The following CDH4 variants were observed in gnomAD, a reference collection of about 807,000 sequenced individuals.
CDH4 encodes cadherin-4.
A neutral mutation model predicts 86.0 loss-of-function variants in CDH4; 33 were observed. The ratio of observed to expected loss-of-function variants is 0.38; its 90% CI spans 0.29 to 0.51. CDH4 has a LOEUF of 0.51. CDH4 is among the 20% of genes least tolerant of loss of function. The pLI is 0.86. For missense variants in CDH4, 1,114 were observed against 1,307.4 expected, an observed-to-expected ratio of 0.85 and a Z score of 2.28; for synonymous variants, 555 against 549.4, an observed-to-expected ratio of 1.01 and a Z score of -0.14.
intron 3 of CDH4, among the ~76,000 whole-genome samples, chr20:61,759,141 A>G (rs2088602513): frequency 6.6e-6 from 1 of 152,092 alleles, no homozygotes; most frequent in East Asian, 1.9e-4. Context: ...GAGCCCCCCA[A>G]GCAGAGTTGT....
chr20:61,290,809 T>C (rs1466815093), intron 2 of CDH4, among the ~76,000 whole-genome samples: 1 of 152,166 alleles, frequency 6.6e-6, no homozygotes, highest in Non-Finnish European at 1.5e-5. Context: ...AATGGAACTG[T>C]TACAGAAAGG....
intron 2 of CDH4, among the ~76,000 whole-genome samples, chr20:61,298,988 A>C (rs2084371873): frequency 6.6e-6 from 1 of 152,154 alleles, no homozygotes; most frequent in African/African-American, 2.4e-5. Flanking sequence ...AAGATCACTG[A>C]GCATTATGGG....
At chr20:61,335,703 T>C (rs1432873797) in intron 2 of CDH4, among the ~76,000 whole-genome samples, 1 of 152,174 alleles carries the variant, frequency 6.6e-6, no homozygotes, top group Non-Finnish European at 1.5e-5. Context: ...AAGGAGAGCA[T>C]AATGCGCCCC....
chr20:61,922,861 TC>T (rs1326079881), intron 9 of CDH4, among the ~76,000 whole-genome samples: 1 of 152,224 alleles, frequency 6.6e-6, no homozygotes, highest in African/African-American at 2.4e-5. Context: ...GCTCAAGCGA[TC>T]CTCCCACCTT....
intron 3 of CDH4, among the ~76,000 whole-genome samples, chr20:61,748,767 A>T (rs1278283789): frequency 2.0e-5 from 3 of 152,238 alleles, no homozygotes; most frequent in African/African-American, 7.2e-5. Context: ...CCTAAATAAG[A>T]CGAAAATACT....
rs998933411 is a variant in CDH4 at position 61,676,454 on chromosome 20, C to T, written c.170-67109C>T. Among the ~76,000 whole-genome samples the T allele has an allele frequency of 1.5e-4, 23 of 151,902 alleles. No individual in the cohort carries two copies. Among genetic ancestry groups the T allele is most frequent in the Admixed American group, 1.3e-4 (2 of 15,274 alleles). ...AGGGATGGTGTGAACAATGGAGGCC[C>T]GGGGCTCCCTCCTCCTGGGTCTACC... is the stretch of plus-strand genomic sequence containing the variant. On this transcript the variant is annotated intron_variant, in intron 2 of 15. Coordinates refer to ENST00000614565, the MANE Select transcript of CDH4 (RefSeq NM_001794.5). The surrounding 1 kb of genome is among the most constrained non-coding windows in gnomAD (Gnocchi z 4.5).
chr20:61,591,144 T>C (rs913293013), intron 2 of CDH4, among the ~76,000 whole-genome samples: 1 of 151,868 alleles, frequency 6.6e-6, no homozygotes, highest in Non-Finnish European at 1.5e-5. Context: ...GCTGCACCCA[T>C]TGATAAGTAC....
chr20:61,380,518 C>G (rs2145446069), intron 2 of CDH4, among the ~76,000 whole-genome samples: 1 of 141,120 alleles, frequency 7.1e-6, no homozygotes. Context: ...CAACACCATC[C>G]TACAAACCCC....
chr20:61,389,723 G>A (rs2084970834), intron 2 of CDH4, among the ~76,000 whole-genome samples: 1 of 145,030 alleles, frequency 6.9e-6, no homozygotes, highest in South Asian at 2.2e-4. Context: ...CTGGTGGGTG[G>A]GGGCTGGGGG....
intron 5 of CDH4, among the ~76,000 whole-genome samples, chr20:61,850,925 A>G (rs1982692459): frequency 6.6e-6 from 1 of 152,216 alleles, no homozygotes; most frequent in African/African-American, 2.4e-5. Context: ...CGTTATCCGC[A>G]CTCGCGCTGC....
Position 61,418,227 on chromosome 20 carries a change from C to CTT in CDH4, c.169+163291_169+163292insTT, listed in dbSNP as rs1568836925. 1.6e-4 allele frequency among the ~76,000 whole-genome samples: 22 copies of CTT among 136,670 alleles called. No homozygotes were observed. In the Middle Eastern group the frequency reaches 0.013, roughly 80 times the overall value. The allele number at this position is 136,670 out of a possible 152,430, so 89.7% of individuals were successfully genotyped here. ...TTTTTTTCTTTTTTTTTTTTTTTCC[C>CTT]TGAGACAGAGTCTCGCTCTGTCCCC... On this transcript the variant is annotated intron_variant, in intron 2 of 15. Coordinates refer to ENST00000614565, the MANE Select transcript of CDH4 (RefSeq NM_001794.5).
At chr20:61,486,014 A>G (rs1199781770) in intron 2 of CDH4, among the ~76,000 whole-genome samples, 1 of 152,204 alleles carries the variant, frequency 6.6e-6, no homozygotes, top group South Asian at 2.1e-4. Flanking sequence ...GGGGTGCCAG[A>G]ATGCCAGGCT....
intron 2 of CDH4, among the ~76,000 whole-genome samples, chr20:61,724,474 T>G (rs369752209): frequency 3.3e-5 from 5 of 152,222 alleles, no homozygotes; most frequent in African/African-American, 9.6e-5. Flanking sequence ...TGCACTCCCG[T>G]GGAGCCCAGA....
At chr20:61,871,674 G>A (rs1222409734) in intron 6 of CDH4, among the ~76,000 whole-genome samples, 1 of 152,104 alleles carries the variant, frequency 6.6e-6, no homozygotes, top group East Asian at 1.9e-4. Context: ...CTAAAGTGGT[G>A]GGGACATCGT....
chr20:61,661,090 G>GGGT lies in CDH4; in HGVS notation c.170-82471_170-82470insTGG, dbSNP rs1555821317. ...GCATGGACAGGAGGCATGGCGGGGGGGGGGGAGACACAGTGCCAGGCTCAT... is the reference window on the plus strand; with the variant it reads ...GCATGGACAGGAGGCATGGCGGGGGGGGTGGGGGAGACACAGTGCCAGGCTCAT... On this transcript the variant is annotated intron_variant, in intron 2 of 15. Coordinates refer to ENST00000614565, the MANE Select transcript of CDH4 (RefSeq NM_001794.5). Among the ~76,000 whole-genome samples, 90 of 141,732 alleles carry GGGT rather than the reference G, an allele frequency of 6.4e-4. 14 individuals are homozygous for GGGT. The highest frequency in any genetic ancestry group is 2.6e-3 in the Admixed American group (38 of 14,566). The allele number at this position is 141,732 out of a possible 152,430, so 93.0% of individuals were successfully genotyped here.
chr20:61,712,001 C>CA (rs1296594013), intron 2 of CDH4, among the ~76,000 whole-genome samples: 4 of 152,160 alleles, frequency 2.6e-5, no homozygotes, highest in Non-Finnish European at 5.9e-5. Context: ...CCACTCTGTG[C>CA]AGGAGGGGTC....
intron 2 of CDH4, among the ~76,000 whole-genome samples, chr20:61,375,448 GTCATAGCACTGGTA>G (rs2084861768): frequency 6.6e-6 from 1 of 150,686 alleles, no homozygotes; most frequent in Admixed American, 6.6e-5. Context: ...GGTGGTGGTA[GTCATAGCACTGGTA>G]GTGATGGTGT....
At chr20:61,557,053 A>C (rs1054196088) in intron 2 of CDH4, among the ~76,000 whole-genome samples, 1 of 152,190 alleles carries the variant, frequency 6.6e-6, no homozygotes, top group Non-Finnish European at 1.5e-5. Context: ...AATGCTTTTC[A>C]GTTTTAGCCT....
At chr20:61,456,638 G>T (rs113347572) in intron 2 of CDH4, among the ~76,000 whole-genome samples, 2 of 152,200 alleles carry the variant, frequency 1.3e-5, no homozygotes, top group African/African-American at 4.8e-5. Context: ...CCATTATAAT[G>T]TGCATAACTG....
Sources: gnomAD v4.1 joint callset for allele counts (sites outside exome capture counted in the v4.1 genomes callset) on GRCh38, gnomAD v4.1.1 for gene constraint, Gnocchi (gnomAD v3.1) non-coding constraint, MANE v1.5 for transcripts, NCBI Gene and HGNC (gene_info 2026-07-23, HGNC 2026-07-21) for gene names.